CHN2: variants seen among roughly 807,000 people sequenced by gnomAD.
CHN2 encodes beta-chimaerin.
CHN2 carries 35 observed loss-of-function variants against 56.3 expected under a neutral mutation model. The observed-to-expected ratio is 0.62, with a 90% CI of 0.47 to 0.82. The LOEUF (loss-of-function observed/expected upper bound fraction) is 0.82. Among genes scored for constraint, CHN2 ranks in the 40% least tolerant of loss-of-function variants. The pLI is 0.00. For synonymous variants in CHN2, 210 were observed against 212.8 expected (o/e 0.99, Z 0.12); for missense variants, 491 against 580.5 (o/e 0.85, Z 1.58).
intron 3 of CHN2, among the ~76,000 whole-genome samples, chr7:29,382,561 A>G (rs181743281): frequency 9.8e-4 from 149 of 152,338 alleles, no homozygotes; most frequent in African/African-American, 3.4e-3. Context: ...GTGTTATGCC[A>G]TGAGGCTGAG....
At chr7:29,445,842 G>A (rs1013555555) in intron 6 of CHN2, among the ~76,000 whole-genome samples, 1 of 152,038 alleles carries the variant, frequency 6.6e-6, no homozygotes, top group Admixed American at 6.6e-5. Context: ...ATCAGATTCA[G>A]TTTAGTCATC....
At chr7:29,488,999 T>C (rs1471205763) in intron 7 of CHN2, among the ~76,000 whole-genome samples, 3 of 152,224 alleles carry the variant, frequency 2.0e-5, no homozygotes, top group African/African-American at 7.2e-5. Flanking sequence ...TACATCTGGG[T>C]GGTGTCTACA....
intron 6 of CHN2, among the ~76,000 whole-genome samples, chr7:29,442,928 G>T: frequency 8.8e-6 from 1 of 113,034 alleles, no homozygotes; most frequent in South Asian, 2.9e-4. Context: ...CAATTTCATT[G>T]AATTTCTTTT....
chr7:29,252,581 T>TTTTTTTGTTGTTTTG lies in CHN2; in HGVS notation c.49+57597_49+57598insGTTGTTTTGTTTTTT, dbSNP rs1554378119. ...TTTGTCTAAAATTGCATTCTTTGTT[T>TTTTTTTGTTGTTTTG]TTTTTTTTTTTTTTTTTTTTTTTTT... On this transcript the variant is annotated intron_variant, in intron 1 of 12. Transcript: ENST00000222792. Among the ~76,000 whole-genome samples the TTTTTTTGTTGTTTTG allele has an allele frequency of 5.0e-3, 83 of 16,436 alleles. 24 individuals are homozygous for TTTTTTTGTTGTTTTG. In the African/African-American group the frequency reaches 0.07, roughly 14 times the overall value. The allele number at this position is 16,436 out of a possible 152,430, so 10.8% of individuals were successfully genotyped here. A position where few individuals can be genotyped will look rare whatever the true frequency, so the allele number is the denominator to read the frequency against.
chr7:29,277,868 G>C (rs1791362392), intron 1 of CHN2, among the ~76,000 whole-genome samples: 1 of 152,082 alleles, frequency 6.6e-6, no homozygotes, highest in Non-Finnish European at 1.5e-5. Context: ...TTGTTTTCCA[G>C]TCACAATGCC....
At position 29,370,946 on chromosome 7, in the gene CHN2, C is replaced by T. The variant is rs78675162; in HGVS notation, c.144+2959C>T. ...TTGGACTTGTTTTGACTTCTTGCTCCACCACTTTCTAGCTACCTAACACAG... is the reference window on the plus strand; with the variant it reads ...TTGGACTTGTTTTGACTTCTTGCTCTACCACTTTCTAGCTACCTAACACAG... On this transcript the variant is annotated intron_variant, in intron 3 of 12. Transcript: ENST00000222792. Among the ~76,000 whole-genome samples, 373 of 152,336 alleles carry T rather than the reference C, an allele frequency of 2.4e-3. 1 individual carries two copies. Among genetic ancestry groups the T allele is most frequent in the African/African-American group, 8.3e-3 (347 of 41,576 alleles).
At chr7:29,153,231 G>C (rs1325889739) in intron 2 of CHN2, among the ~76,000 whole-genome samples, 2 of 152,194 alleles carry the variant, frequency 1.3e-5, no homozygotes, top group Non-Finnish European at 2.9e-5. Context: ...GTGGGCCTCT[G>C]TGTGTACTCT....
intron 1 of CHN2, among the ~76,000 whole-genome samples, chr7:29,314,930 G>A (rs1794854886): frequency 6.6e-6 from 1 of 151,378 alleles, no homozygotes; most frequent in Non-Finnish European, 1.5e-5. Flanking sequence ...CGACATCTTG[G>A]GTTTATGTGG....
At chr7:29,347,207 A>G (rs1029268870) in intron 1 of CHN2, among the ~76,000 whole-genome samples, 6 of 152,108 alleles carry the variant, frequency 3.9e-5, no homozygotes, top group Admixed American at 1.3e-4. Context: ...ATTTCAATTG[A>G]CCTAACTTAT....
At chr7:29,294,211 G>A (rs532250614) in intron 1 of CHN2, among the ~76,000 whole-genome samples, 1 of 152,162 alleles carries the variant, frequency 6.6e-6, no homozygotes, top group South Asian at 2.1e-4. Context: ...TGTATCTCCG[G>A]CACCTGGAAC....
chr7:29,352,392 T>C (rs1328186304), intron 1 of CHN2, among the ~76,000 whole-genome samples: 3 of 152,038 alleles, frequency 2.0e-5, no homozygotes, highest in South Asian at 4.2e-4. Flanking sequence ...TCTATTTATC[T>C]TTGAAAAAAA....
At chr7:29,490,995 G>A (rs1028679327) in intron 7 of CHN2, among the ~76,000 whole-genome samples, 2 of 151,938 alleles carry the variant, frequency 1.3e-5, no homozygotes, top group Non-Finnish European at 2.9e-5. Flanking sequence ...TATGATTGTG[G>A]ATTTGTCAAT....
chr7:29,356,328 A>G (rs1798314220), intron 2 of CHN2, among the ~76,000 whole-genome samples: 1 of 152,230 alleles, frequency 6.6e-6, no homozygotes, highest in Admixed American at 6.5e-5. Context: ...CCACACACAC[A>G]CATATATAAA....
At chr7:29,319,785 C>T (rs1585047946) in intron 1 of CHN2, among the ~76,000 whole-genome samples, 2 of 152,216 alleles carry the variant, frequency 1.3e-5, no homozygotes, top group South Asian at 2.1e-4. Context: ...CTTACAGGGC[C>T]GTGGCTCATC....
At position 29,286,030 on chromosome 7, in the gene CHN2, C is replaced by T. The variant is rs964510684; in HGVS notation, c.50-68595C>T. ...TGAACTATTTCCTGGCCGCCAAGTACAGGCATTAAGTCCATTTCTCTGCCT... is the reference window on the plus strand; with the variant it reads ...TGAACTATTTCCTGGCCGCCAAGTATAGGCATTAAGTCCATTTCTCTGCCT... On this transcript the variant is annotated intron_variant, in intron 1 of 12. Transcript: ENST00000222792. Among the ~76,000 whole-genome samples, 4 of 152,138 alleles carry T rather than the reference C, an allele frequency of 2.6e-5. No homozygotes were observed. The East Asian group carries it at 7.7e-4, about 29-fold the overall frequency.
intron 2 of CHN2, among the ~76,000 whole-genome samples, chr7:29,156,360 T>C (rs996907604): frequency 4.6e-5 from 7 of 152,190 alleles, no homozygotes; most frequent in Non-Finnish European, 8.8e-5. Context: ...CTAAAATTGA[T>C]ATGAAGGACA....
chr7:29,496,327 C>CA (rs1406264975), intron 8 of CHN2, among the ~76,000 whole-genome samples: 1 of 151,318 alleles, frequency 6.6e-6, no homozygotes, highest in African/African-American at 2.4e-5. Flanking sequence ...AAAAAAAAAT[C>CA]AATTCCAATG....
intron 1 of CHN2, among the ~76,000 whole-genome samples, chr7:29,201,070 C>A (rs1307044684): frequency 6.6e-6 from 1 of 152,218 alleles, no homozygotes; most frequent in Non-Finnish European, 1.5e-5. Flanking sequence ...TTTGCTTCAA[C>A]AGTTTGGCCT....
At chr7:29,388,945 A>G (rs1297903249) in intron 3 of CHN2, among the ~76,000 whole-genome samples, 2 of 152,212 alleles carry the variant, frequency 1.3e-5, no homozygotes, top group African/African-American at 2.4e-5. Context: ...AAGTCATAAC[A>G]TGGATGTTAT....
Sources: gnomAD v4.1 joint callset for allele counts (sites outside exome capture counted in the v4.1 genomes callset) on GRCh38, gnomAD v4.1.1 for gene constraint, MANE v1.5 for transcripts, NCBI Gene and HGNC (gene_info 2026-07-23, HGNC 2026-07-21) for gene names.